CBLIF: variants seen among roughly 807,000 people sequenced by gnomAD.
CBLIF encodes gastric intrinsic factor (vitamin B synthesis).
Under a neutral mutation model 44.9 loss-of-function variants are expected in CBLIF, and 24 were observed. The ratio of observed to expected loss-of-function variants is 0.53; its 90% CI spans 0.39 to 0.75. CBLIF has a LOEUF of 0.75. Ranked by LOEUF, CBLIF falls within the 30% of genes least tolerant of loss-of-function variation. CBLIF has a pLI of 0.00. For missense variants in CBLIF, 481 were observed against 513.0 expected (o/e 0.94, Z 0.60); for synonymous variants, 183 against 190.9 (o/e 0.96, Z 0.34).
At position 59,845,432 on chromosome 11, in the gene CBLIF, G is replaced by A; in HGVS notation, c.22C>T (p.Leu8Phe). Residue 8 changes from leucine to phenylalanine, a missense_variant, in exon 1 of 9, where the codon CTC becomes TTC. By Grantham distance (22) the Leu-to-Phe change is conservative. Coordinates refer to ENST00000257248, the MANE Select transcript of CBLIF (RefSeq NM_005142.3). Reference sequence around the variant, plus strand: ...GCTGTAGCCCAGAGAAGGCTCAGGAGGTAGAGGGCAAACCAGGCCATCTCA... The same window carrying A: ...GCTGTAGCCCAGAGAAGGCTCAGGAAGTAGAGGGCAAACCAGGCCATCTCA... MAWFALY[L>F]LSLLWATAGT... 6.2e-7 allele frequency: 1 copy of A among 1,611,514 alleles called. No homozygotes were observed. Among genetic ancestry groups the A allele is most frequent in the Non-Finnish European group, 8.5e-7 (1 of 1,177,804 alleles).
chr11:59,836,341 A>G (rs1484297942), intron 6 of CBLIF, among the ~76,000 whole-genome samples: 1 of 152,116 alleles, frequency 6.6e-6, no homozygotes, highest in African/African-American at 2.4e-5. Context: ...TGTCTTAGGA[A>G]GTTCATGCAA....
intron 7 of CBLIF, among the ~76,000 whole-genome samples, chr11:59,834,108 A>C (rs1245660920): frequency 3.3e-5 from 5 of 152,208 alleles, no homozygotes; most frequent in African/African-American, 4.8e-5. Flanking sequence ...TATCTACTGC[A>C]TGGGTTCTTG....
At chr11:59,836,696 A>G (rs1213747713) in intron 6 of CBLIF, among the ~76,000 whole-genome samples, 2 of 151,900 alleles carry the variant, frequency 1.3e-5, no homozygotes, top group Non-Finnish European at 2.9e-5. Context: ...ACTGGTCACT[A>G]TTTTTCTTTT....
intron 6 of CBLIF, 79 bp from the exon 7 acceptor site, chr11:59,836,088 C>T (rs1479308075): frequency 3.8e-6 from 4 of 1,063,428 alleles, no homozygotes; most frequent in South Asian, 3.8e-5. Context: ...TTATTGGCAA[C>T]TTACCCCAGA....
chr11:59,835,714 T>C, intron 7 of CBLIF, 94 bp downstream of exon 7: 2 of 1,018,266 alleles, frequency 2.0e-6, no homozygotes, highest in Non-Finnish European at 3.1e-6. Flanking sequence ...AAATCTGTTA[T>C]CAAAAGGAAA....
At chr11:59,833,617 C>T (rs1236471851) in intron 7 of CBLIF, among the ~76,000 whole-genome samples, 1 of 152,060 alleles carries the variant, frequency 6.6e-6, no homozygotes, top group South Asian at 2.1e-4. Flanking sequence ...AAGCAGCAGA[C>T]ACAATGTGCT....
chr11:59,845,415 C>G lies in CBLIF; in HGVS notation c.39G>C (p.Trp13Cys). The change falls in exon 1 of 9, where the codon TGG becomes TGC. Residue 13 changes from tryptophan to cysteine, a missense_variant. Physicochemically the swap from Trp to Cys is radical, Grantham distance 215. Coordinates refer to ENST00000257248, the MANE Select transcript of CBLIF (RefSeq NM_005142.3). ...WFALYLLSLL[W>C]ATAGTSTQTQ... The stretch of plus-strand genomic sequence containing the variant: ...TCTGGGTACTAGTCCCAGCTGTAGC[C>G]CAGAGAAGGCTCAGGAGGTAGAGGG... 6.2e-7 allele frequency: 1 copy of G among 1,613,046 alleles called. No individual in the cohort carries two copies. The highest frequency in any genetic ancestry group is 8.5e-7 in the Non-Finnish European group (1 of 1,179,122).
intron 8 of CBLIF, among the ~76,000 whole-genome samples, chr11:59,829,950 G>A (rs1408161132): frequency 1.3e-5 from 2 of 152,166 alleles, no homozygotes; most frequent in East Asian, 3.9e-4. Context: ...GGCTTATTTA[G>A]GCCAAAATTA....
chr11:59,834,311 T>TCTTTCTTCCTTCCTTC (rs1555012146), intron 7 of CBLIF, among the ~76,000 whole-genome samples: 43 of 35,556 alleles, frequency 1.2e-3, no homozygotes, highest in African/African-American at 1.5e-3. Flanking sequence ...TTTCTTTCTT[T>TCTTTCTTCCTTCCTTC]CTTCCTTCCT....
At chr11:59,835,624 T>A (rs1762415641) in intron 7 of CBLIF, among the ~76,000 whole-genome samples, 184 bp downstream of exon 7, 1 of 152,238 alleles carries the variant, frequency 6.6e-6, no homozygotes, top group Non-Finnish European at 1.5e-5. Flanking sequence ...CTTCATCATA[T>A]GTTGACTTAT....
rs762131047 is a variant in CBLIF at position 59,831,666 on chromosome 11, T to A, written c.1192+12A>T. 1.7e-6 allele frequency: 2 copies of A among 1,154,864 alleles called. No homozygotes were observed. Among genetic ancestry groups the A allele is most frequent in the Non-Finnish European group, 2.6e-6 (2 of 760,310 alleles). The allele number at this position is 1,154,864 out of a possible 1,614,324, so 71.5% of individuals were successfully genotyped here. ...CTATGGAAGATAACGCCTATGTCTTTTCTTCCCTCACCTTCATTCAAAGGT... is the reference window on the plus strand; with the variant it reads ...CTATGGAAGATAACGCCTATGTCTTATCTTCCCTCACCTTCATTCAAAGGT... On this transcript the variant is annotated intron_variant, in intron 8 of 8. Transcript: ENST00000257248.
At chr11:59,844,430 G>A (rs1289034985) in intron 1 of CBLIF, among the ~76,000 whole-genome samples, 3 of 151,992 alleles carry the variant, frequency 2.0e-5, no homozygotes, top group East Asian at 3.9e-4. Context: ...GAGCCACCTC[G>A]CCTGGCCATC....
chr11:59,833,161 T>C (rs1866393561), intron 7 of CBLIF, among the ~76,000 whole-genome samples: 1 of 152,200 alleles, frequency 6.6e-6, no homozygotes, highest in Admixed American at 6.5e-5. Context: ...AAAGAAAAAT[T>C]AGGCAAAATT....
At chr11:59,837,135 G>A in intron 6 of CBLIF, 39 bp downstream of exon 6, 1 of 1,479,202 alleles carries the variant, frequency 6.8e-7, no homozygotes, top group South Asian at 1.1e-5. Flanking sequence ...TCTGGCATAA[G>A]TTGCTGCTTT....
chr11:59,834,261 T>C (rs961800877), intron 7 of CBLIF, among the ~76,000 whole-genome samples: 2 of 115,148 alleles, frequency 1.7e-5, no homozygotes, highest in Admixed American at 9.4e-5. Flanking sequence ...TCTTTCTTTC[T>C]TTCTTTCTTT....
chr11:59,844,571 T>TA (rs375614792), intron 1 of CBLIF, among the ~76,000 whole-genome samples: 1 of 152,230 alleles, frequency 6.6e-6, no homozygotes. Flanking sequence ...TCCATATCCT[T>TA]AAGAAAGTGA....
chr11:59,835,303 G>T (rs747732018), intron 7 of CBLIF, among the ~76,000 whole-genome samples: 1 of 151,808 alleles, frequency 6.6e-6, no homozygotes, highest in Admixed American at 6.6e-5. Flanking sequence ...GTGCCACCAC[G>T]CCTGGCTAAT....
At chr11:59,835,701 TA>T in intron 7 of CBLIF, 106 bp downstream of exon 7, 2 of 882,740 alleles carry the variant, frequency 2.3e-6, no homozygotes, top group Non-Finnish European at 3.9e-6. Context: ...CGCTATTAAA[TA>T]AAAATCTGTT....
chr11:59,837,520 A>G (rs1866471563), intron 5 of CBLIF, among the ~76,000 whole-genome samples, 169 bp from the exon 6 acceptor site: 1 of 152,314 alleles, frequency 6.6e-6, no homozygotes, highest in African/African-American at 2.4e-5. Flanking sequence ...CTTCAATGCT[A>G]TGTCCCCACC....
Sources: gnomAD v4.1 joint callset for allele counts (sites outside exome capture counted in the v4.1 genomes callset) on GRCh38, gnomAD v4.1.1 for gene constraint, MANE v1.5 for transcripts, NCBI Gene and HGNC (gene_info 2026-07-23, HGNC 2026-07-21) for gene names.